Variants in MYOZ2 observed in about 807,000 individuals in gnomAD.
MYOZ2 encodes myozenin-2.
A neutral mutation model predicts 25.4 loss-of-function variants in MYOZ2; 19 were observed. The observed-to-expected ratio is 0.75, with a 90% CI of 0.52 to 1.10. The LOEUF is 1.10. Among genes scored for constraint, MYOZ2 ranks in the 50% least tolerant of loss-of-function variants. MYOZ2 has a pLI of 0.00. For synonymous variants in MYOZ2, 92 were observed against 106.9 expected, an observed-to-expected ratio of 0.86 and a Z score of 0.86; for missense variants, 270 against 317.9, an observed-to-expected ratio of 0.85 and a Z score of 1.15.
intron 5 of MYOZ2, among the ~76,000 whole-genome samples, chr4:119,167,569 T>G (rs2149226267): frequency 6.6e-6 from 1 of 152,378 alleles, no homozygotes; most frequent in Non-Finnish European, 1.5e-5. Context: ...AGATTTTCAA[T>G]GTAGGTGAAA....
rs1435115124 is a variant in MYOZ2, at chr4:119,186,974, A to T, written c.*774A>T. On this transcript the variant is annotated 3_prime_UTR_variant, in exon 6 of 6. Coordinates refer to ENST00000307128, the MANE Select transcript of MYOZ2 (RefSeq NM_016599.5). The stretch of plus-strand genomic sequence containing the variant: ...TTTATGTGTGCATTCTTAGAAGAGT[A>T]AGAACAAATAAAGTACACCGTAATA... 6.6e-6 allele frequency: 1 copy of T among 152,190 alleles called. No individual in the cohort carries two copies. The highest frequency in any genetic ancestry group is 1.5e-5 in the Non-Finnish European group (1 of 68,024). 9.4% of individuals were successfully genotyped at this position (152,190 alleles called of 1,614,324 possible).
intron 5 of MYOZ2, among the ~76,000 whole-genome samples, chr4:119,178,936 C>T (rs1742133757): frequency 6.6e-6 from 1 of 152,182 alleles, no homozygotes; most frequent in South Asian, 2.1e-4. Flanking sequence ...TACATTCACC[C>T]TAGTACAAAC....
chr4:119,163,723 T>C (rs1741757238), intron 4 of MYOZ2, among the ~76,000 whole-genome samples: 1 of 152,142 alleles, frequency 6.6e-6, no homozygotes. Flanking sequence ...TACAGAGCAC[T>C]CAGCAATTGA....
chr4:119,142,321 T>G (rs953068475), intron 2 of MYOZ2, among the ~76,000 whole-genome samples: 1 of 152,232 alleles, frequency 6.6e-6, no homozygotes, highest in South Asian at 2.1e-4. Flanking sequence ...TTCTATCTTT[T>G]ATAATCTAAA....
In MYOZ2 at chr4:119,184,505, C is replaced by G. The variant is rs578177879; in HGVS notation, c.561-1461C>G. ...TTCAGAGAAGTCTTCCCTGGTGATTCTATCTGAAATAACTTTTTAGTAATT... is the reference window on the plus strand; with the variant it reads ...TTCAGAGAAGTCTTCCCTGGTGATTGTATCTGAAATAACTTTTTAGTAATT... On this transcript the variant is annotated intron_variant, in intron 5 of 5. Transcript: ENST00000307128. Among the ~76,000 whole-genome samples, 8 of 152,308 alleles carry G rather than the reference C, an allele frequency of 5.3e-5. No individual in the cohort carries two copies. The South Asian group carries it at 1.7e-3, about 32-fold the overall frequency.
At chr4:119,160,067 T>C (rs965773918) in intron 4 of MYOZ2, among the ~76,000 whole-genome samples, 2 of 152,170 alleles carry the variant, frequency 1.3e-5, no homozygotes, top group Non-Finnish European at 2.9e-5. Context: ...TTTACTACCA[T>C]GCTGGGAAAG....
At position 119,140,920 on chromosome 4, in the gene MYOZ2, G is replaced by A. The variant is rs1741147039; in HGVS notation, c.76+4319G>A. On this transcript the variant is annotated intron_variant, in intron 2 of 5. Coordinates refer to ENST00000307128, the MANE Select transcript of MYOZ2 (RefSeq NM_016599.5). ...GAGACATATGAAATAAGAAAATAAA[G>A]AATCACAGATGGTATTCAAAATCAA... 2.6e-5 allele frequency among the ~76,000 whole-genome samples: 4 copies of A among 152,034 alleles called. No homozygotes were observed. In the South Asian group the frequency reaches 6.2e-4, roughly 24 times the overall value.
At chr4:119,154,067 A>G (rs528184663) in intron 3 of MYOZ2, among the ~76,000 whole-genome samples, 4 of 152,230 alleles carry the variant, frequency 2.6e-5, no homozygotes, top group African/African-American at 9.6e-5. Context: ...TACTGGGAAA[A>G]GGGGAATTAT....
chr4:119,143,717 C>T (rs376016944), intron 2 of MYOZ2, among the ~76,000 whole-genome samples: 5 of 152,176 alleles, frequency 3.3e-5, no homozygotes, highest in East Asian at 1.9e-4. Context: ...TCTCTACCTC[C>T]TTCCAAGTCC....
intron 5 of MYOZ2, among the ~76,000 whole-genome samples, chr4:119,172,577 T>C (rs1286843161): frequency 6.6e-6 from 1 of 152,220 alleles, no homozygotes; most frequent in Non-Finnish European, 1.5e-5. Flanking sequence ...TCTAAGGTTT[T>C]ACCATAGTGA....
Position 119,167,442 on chromosome 4 carries a change from CCATCTTCTTAA to C in MYOZ2, c.560+3050_560+3060del, listed in dbSNP as rs559434687. On this transcript the variant is annotated intron_variant, in intron 5 of 5. Transcript: ENST00000307128. ...GGTTCATGAAGGCTGAGGAAAGACG[CCATCTTCTTAA>C]CTTTTATAGCGCAAGGTGAAGCAGC... Among the ~76,000 whole-genome samples the C allele has an allele frequency of 5.1e-3, 777 of 152,300 alleles. 9 individuals carry two copies. Among genetic ancestry groups the C allele is most frequent in the African/African-American group, 0.018 (728 of 41,562 alleles).
intron 5 of MYOZ2, among the ~76,000 whole-genome samples, chr4:119,170,553 A>T (rs1381715601): frequency 1.3e-5 from 2 of 152,100 alleles, no homozygotes; most frequent in African/African-American, 4.8e-5. Context: ...AATGTTTTTA[A>T]AATTCCATAA....
chr4:119,183,476 G>C (rs1742229062), intron 5 of MYOZ2, among the ~76,000 whole-genome samples: 2 of 152,022 alleles, frequency 1.3e-5, no homozygotes, highest in South Asian at 4.2e-4. Flanking sequence ...TAAATGCAAA[G>C]AGCAAGCAGT....
At chr4:119,155,193 G>A (rs931976063) in intron 3 of MYOZ2, among the ~76,000 whole-genome samples, 1 of 152,098 alleles carries the variant, frequency 6.6e-6, no homozygotes, top group African/African-American at 2.4e-5. Context: ...TCATTCATGA[G>A]GAATCCACCT....
chr4:119,153,620 G>A (rs1302495930), intron 3 of MYOZ2, among the ~76,000 whole-genome samples: 1 of 151,828 alleles, frequency 6.6e-6, no homozygotes, highest in Admixed American at 6.6e-5. Context: ...ATTTAACTCA[G>A]CTTTATATAT....
intron 5 of MYOZ2, among the ~76,000 whole-genome samples, chr4:119,165,588 T>C (rs1178843747): frequency 6.6e-6 from 1 of 152,138 alleles, no homozygotes; most frequent in Non-Finnish European, 1.5e-5. Context: ...CTACCATTAT[T>C]AGTAATGCAT....
At chr4:119,159,383 G>A (rs1741655278) in intron 4 of MYOZ2, among the ~76,000 whole-genome samples, 1 of 152,040 alleles carries the variant, frequency 6.6e-6, no homozygotes, top group Non-Finnish European at 1.5e-5. Context: ...TTCCCTCAAA[G>A]GACTTTCAAT....
chr4:119,136,978 A>G, intron 2 of MYOZ2, among the ~76,000 whole-genome samples: 1 of 151,754 alleles, frequency 6.6e-6, no homozygotes, highest in East Asian at 1.9e-4. Flanking sequence ...GATTTCTTTT[A>G]CCTTACATTA....
intron 2 of MYOZ2, among the ~76,000 whole-genome samples, chr4:119,143,167 T>C (rs1300899765): frequency 6.6e-6 from 1 of 151,988 alleles, no homozygotes; most frequent in Non-Finnish European, 1.5e-5. Context: ...CTTAATACTG[T>C]TACAATGGCA....
Sources: gnomAD v4.1 joint callset for allele counts (sites outside exome capture counted in the v4.1 genomes callset) on GRCh38, gnomAD v4.1.1 for gene constraint, MANE v1.5 for transcripts, NCBI Gene and HGNC (gene_info 2026-07-23, HGNC 2026-07-21) for gene names.